The following HELZ variants were observed in gnomAD, a reference collection of about 807,000 sequenced individuals.
HELZ encodes ATP-dependent RNA helicase with zinc finger domain.
In HELZ, 23 loss-of-function variants were observed where a neutral mutation model predicts 218.2. The observed-to-expected ratio is 0.11, with a 90% CI of 0.08 to 0.15. The LOEUF is 0.15. Ranked by LOEUF, HELZ falls within the 10% of genes least tolerant of loss-of-function variation. The pLI is 1.00. For missense variants in HELZ, 1,813 were observed against 2,353.7 expected, an observed-to-expected ratio of 0.77 and a Z score of 4.75; for synonymous variants, 814 against 829.4, an observed-to-expected ratio of 0.98 and a Z score of 0.32.
intron 4 of HELZ, 135 bp from the exon 5 acceptor site, chr17:67,216,070 C>A (rs2040591863): frequency 1.0e-5 from 7 of 670,584 alleles, no homozygotes; most frequent in South Asian, 9.7e-5. Context: ...CAGAGCAAAG[C>A]TAACACATGT....
In HELZ at chr17:67,190,286, T is replaced by C; in HGVS notation, c.627A>G (p.Ala209=). The change falls in exon 10 of 33, where the codon GCA becomes GCG. Residue 209 remains alanine (A), a synonymous_variant. Coordinates refer to ENST00000358691, the MANE Select transcript of HELZ (RefSeq NM_014877.4). ...CTSAHSQEEL[A]EWQKRYASRL... ...GTGAAGCATATCTTTTCTGCCATTC[T>C]GCTAGTTCTTCCTGGGAATGTGCTG... 2 of 1,614,108 alleles carry C rather than the reference T, an allele frequency of 1.2e-6. No individual in the cohort carries two copies. The highest frequency in any genetic ancestry group is 1.6e-4 in the Middle Eastern group (1 of 6,062).
At chr17:67,217,774 T>C (rs1267451774) in intron 4 of HELZ, among the ~76,000 whole-genome samples, 2 of 152,158 alleles carry the variant, frequency 1.3e-5, no homozygotes, top group African/African-American at 4.8e-5. Context: ...TATCACCTTC[T>C]CAATGAGGCC....
At chr17:67,145,921 GA>G (rs774304293) in intron 20 of HELZ, 31 bp from the exon 21 acceptor site, 4 of 1,574,846 alleles carry the variant, frequency 2.5e-6, no homozygotes, top group Non-Finnish European at 2.6e-6. Flanking sequence ...AAAAAAGGGG[GA>G]AAATCTACAT....
intron 15 of HELZ, among the ~76,000 whole-genome samples, chr17:67,162,030 T>C (rs547638193): frequency 3.3e-5 from 5 of 152,102 alleles, no homozygotes; most frequent in African/African-American, 1.2e-4. Context: ...GAGGACAGAG[T>C]TTAGACAGGA....
chr17:67,174,288 T>C (rs974544996), intron 13 of HELZ, among the ~76,000 whole-genome samples: 1 of 152,076 alleles, frequency 6.6e-6, no homozygotes, highest in Non-Finnish European at 1.5e-5. Flanking sequence ...TTCAATCTAC[T>C]TTCTAGGAAG....
In HELZ at chr17:67,086,027, T is replaced by C. The variant is rs192256094; in HGVS notation, c.5494+802A>G. On this transcript the variant is annotated intron_variant, in intron 32 of 32. Coordinates refer to ENST00000358691, the MANE Select transcript of HELZ (RefSeq NM_014877.4). ...TAAATCTCAAAATGTCAGACTTTAC[T>C]GGTCTCTCTCGTGGCCAAACTCTAT... Among the ~76,000 whole-genome samples, 88 of 152,350 alleles carry C rather than the reference T, an allele frequency of 5.8e-4. 1 individual carries two copies. The highest frequency in any genetic ancestry group is 1.6e-3 in the Admixed American group (24 of 15,310).
chr17:67,237,131 G>C (rs1031341230), intron 3 of HELZ, among the ~76,000 whole-genome samples: 1 of 152,106 alleles, frequency 6.6e-6, no homozygotes. Context: ...CCTGAGGTCA[G>C]GAATTCGAGA....
At chr17:67,109,735 G>T (rs1283456753) in intron 28 of HELZ, 49 bp from the exon 29 acceptor site, 4 of 1,417,942 alleles carry the variant, frequency 2.8e-6, no homozygotes, top group Non-Finnish European at 3.9e-6. Flanking sequence ...TTCAAATTCA[G>T]TTGCTCTCCA....
intron 21 of HELZ, among the ~76,000 whole-genome samples, chr17:67,140,272 G>A (rs2038281699): frequency 6.6e-6 from 1 of 152,192 alleles, no homozygotes; most frequent in Admixed American, 6.5e-5. Flanking sequence ...GCAGTGAGGA[G>A]CAAGTTCCAT....
intron 24 of HELZ, among the ~76,000 whole-genome samples, chr17:67,128,102 G>T (rs551417181): frequency 6.6e-6 from 1 of 152,224 alleles, no homozygotes; most frequent in East Asian, 1.9e-4. Context: ...TGACTCCCCT[G>T]CTCCACTCCC....
chr17:67,122,860 G>A (rs979113732), intron 26 of HELZ, 110 bp downstream of exon 26: 1 of 749,858 alleles, frequency 1.3e-6, no homozygotes, highest in Non-Finnish European at 2.1e-6. Flanking sequence ...TATCAGCACT[G>A]AAAATTTTTT....
chr17:67,107,162 C>T lies in HELZ; in HGVS notation c.5241+7G>A. ...TAATAACAAAAGGAAAATAAGAAGACATTTACCTCTTCTAAGCTAGGGAGC... is the reference window on the plus strand; with the variant it reads ...TAATAACAAAAGGAAAATAAGAAGATATTTACCTCTTCTAAGCTAGGGAGC... On this transcript the variant is annotated splice_region_variant and intron_variant, in intron 31 of 32. Coordinates refer to ENST00000358691, the MANE Select transcript of HELZ (RefSeq NM_014877.4). The T allele has an allele frequency of 6.3e-7, 1 of 1,595,592 alleles. No individual in the cohort carries two copies. The highest frequency in any genetic ancestry group is 8.5e-7 in the Non-Finnish European group (1 of 1,171,460).
At chr17:67,118,974 C>T (rs1313422271) in intron 27 of HELZ, among the ~76,000 whole-genome samples, 1 of 152,022 alleles carries the variant, frequency 6.6e-6, no homozygotes, top group East Asian at 1.9e-4. Flanking sequence ...TAGACATCCA[C>T]TAACAAGAGT....
intron 2 of HELZ, among the ~76,000 whole-genome samples, chr17:67,240,874 T>C (rs769910461): frequency 1.3e-5 from 2 of 152,226 alleles, no homozygotes; most frequent in African/African-American, 2.4e-5. Context: ...CCATTTCTTT[T>C]GAATAATTAA....
intron 29 of HELZ, 75 bp downstream of exon 29, chr17:67,109,041 C>T (rs1051875960): frequency 8.1e-7 from 1 of 1,235,760 alleles, no homozygotes; most frequent in Admixed American, 2.3e-5. Flanking sequence ...CAATCTTAAC[C>T]CAAAATGATA....
rs898418333 is a variant in HELZ, at chr17:67,192,439, T to C, written c.557+1528A>G. Among the ~76,000 whole-genome samples, 10 of 152,310 alleles carry C rather than the reference T, an allele frequency of 6.6e-5. No homozygotes were observed. In the South Asian group the frequency reaches 1.0e-3, roughly 16 times the overall value. On this transcript the variant is annotated intron_variant, in intron 9 of 32. Coordinates refer to ENST00000358691, the MANE Select transcript of HELZ (RefSeq NM_014877.4). Reference sequence around the variant, plus strand: ...AGTACTTGAACTTAAAATTATACTATTTATTAAATTCTCTTACACTTTTGA... The same window carrying C: ...AGTACTTGAACTTAAAATTATACTACTTATTAAATTCTCTTACACTTTTGA...
chr17:67,167,988 T>C (rs2039197660), intron 13 of HELZ, among the ~76,000 whole-genome samples, 192 bp from the exon 14 acceptor site: 2 of 152,126 alleles, frequency 1.3e-5, no homozygotes, highest in Non-Finnish European at 2.9e-5. Flanking sequence ...AAAATTTTTT[T>C]TTTTGTTTTT....
intron 32 of HELZ, among the ~76,000 whole-genome samples, chr17:67,084,570 G>A (rs935164146): frequency 3.3e-5 from 5 of 151,578 alleles, no homozygotes; most frequent in Non-Finnish European, 7.4e-5. Flanking sequence ...GGCTGAGGCA[G>A]AAGAATGACG....
At chr17:67,145,970 C>A in intron 20 of HELZ, 80 bp from the exon 21 acceptor site, 1 of 1,229,726 alleles carries the variant, frequency 8.1e-7, no homozygotes, top group South Asian at 1.4e-5. Context: ...AAAAATCAGT[C>A]GATTCTAATA....
Sources: gnomAD v4.1 joint callset for allele counts (sites outside exome capture counted in the v4.1 genomes callset) on GRCh38, gnomAD v4.1.1 for gene constraint, MANE v1.5 for transcripts, NCBI Gene and HGNC (gene_info 2026-07-23, HGNC 2026-07-21) for gene names.